The following INVS variants were observed in gnomAD, a reference collection of about 807,000 sequenced individuals.
INVS encodes inversion of embryo turning homolog.
INVS carries 86 observed loss-of-function variants against 108.8 expected under a neutral mutation model. The observed-to-expected ratio is 0.79, with a 90% CI of 0.66 to 0.95. The LOEUF is 0.95. INVS is among the 40% of genes least tolerant of loss of function. The pLI is 0.00. For synonymous variants in INVS, 455 were observed against 473.5 expected (o/e 0.96, Z 0.51); for missense variants, 1,169 against 1,297.4 (o/e 0.90, Z 1.52).
chr9:100,139,204 T>C (rs1336586650), intron 3 of INVS, among the ~76,000 whole-genome samples: 1 of 152,244 alleles, frequency 6.6e-6, no homozygotes, highest in Non-Finnish European at 1.5e-5. Flanking sequence ...TCAGTTCTCG[T>C]ACTTCTGTGT....
chr9:100,258,973 A>T (rs1227958561), intron 10 of INVS, among the ~76,000 whole-genome samples: 1 of 152,208 alleles, frequency 6.6e-6, no homozygotes, highest in Non-Finnish European at 1.5e-5. Context: ...AGTCTGCAGA[A>T]GTTTCTGCTG....
chr9:100,157,351 G>A (rs1357401944), intron 3 of INVS, among the ~76,000 whole-genome samples: 2 of 144,798 alleles, frequency 1.4e-5, no homozygotes, highest in African/African-American at 5.4e-5. Context: ...TGCAAGCTCC[G>A]CCTCCTGGGT....
chr9:100,147,905 C>A (rs1192726381), intron 3 of INVS, among the ~76,000 whole-genome samples: 3 of 151,010 alleles, frequency 2.0e-5, no homozygotes, highest in Non-Finnish European at 4.4e-5. Context: ...TAAACAAGGC[C>A]AGGTGTCATG....
intron 3 of INVS, among the ~76,000 whole-genome samples, chr9:100,212,661 G>C (rs563461236): frequency 6.6e-6 from 1 of 151,990 alleles, no homozygotes; most frequent in Admixed American, 6.6e-5. Flanking sequence ...AGCCATTCAG[G>C]AATCTTCTTA....
intron 6 of INVS, 80 bp downstream of exon 6, chr9:100,240,320 C>T: frequency 2.0e-6 from 2 of 991,328 alleles, no homozygotes; most frequent in Admixed American, 1.7e-5. Context: ...CCACTGTTTA[C>T]TCCCAACTCC....
intron 16 of INVS, 120 bp from the exon 17 acceptor site, chr9:100,300,448 C>T (rs1354814427): frequency 1.4e-6 from 1 of 717,564 alleles, no homozygotes; most frequent in African/African-American, 1.8e-5. Context: ...CTACAGTAAA[C>T]TGGCCCATCA....
Position 100,293,042 on chromosome 9 carries a change from A to AG in INVS, c.2786+1dup. The AG allele has an allele frequency of 6.2e-7, 1 of 1,613,138 alleles. No homozygotes were observed. Among genetic ancestry groups the AG allele is most frequent in the South Asian group, 1.1e-5 (1 of 91,030 alleles). On this transcript the variant is annotated frameshift_variant and splice_region_variant, in exon 14 of 17. Transcript: ENST00000262457. LOFTEE classifies it high-confidence loss of function. ...AGCAGTCATCCAGCGCGCCTGGCGA[A>AG]GGTAGGAAAATGGGGTGCTGCCGCA... is the stretch of plus-strand genomic sequence containing the variant.
intron 3 of INVS, among the ~76,000 whole-genome samples, chr9:100,166,527 A>G (rs1465675671): frequency 6.6e-6 from 1 of 152,168 alleles, no homozygotes; most frequent in African/African-American, 2.4e-5. Flanking sequence ...TGTTTAAGAA[A>G]AAAAAGAAGC....
intron 2 of INVS, among the ~76,000 whole-genome samples, chr9:100,111,027 T>C (rs190001673): frequency 6.6e-6 from 1 of 152,224 alleles, no homozygotes; most frequent in Non-Finnish European, 1.5e-5. Flanking sequence ...TGATGATGAA[T>C]CCTATGTTCT....
chr9:100,134,399 A>G (rs1828158075), intron 3 of INVS, among the ~76,000 whole-genome samples: 1 of 152,202 alleles, frequency 6.6e-6, no homozygotes, highest in Non-Finnish European at 1.5e-5. Context: ...GTGCTGCTAT[A>G]AACATGTGTG....
At chr9:100,274,077 GC>G (rs1833044745) in intron 12 of INVS, among the ~76,000 whole-genome samples, 1 of 152,036 alleles carries the variant, frequency 6.6e-6, no homozygotes, top group Non-Finnish European at 1.5e-5. Flanking sequence ...TGATTTTAAA[GC>G]TGGGTGCGGT....
intron 3 of INVS, among the ~76,000 whole-genome samples, chr9:100,218,173 T>G (rs879380054): frequency 1.3e-5 from 2 of 152,196 alleles, no homozygotes; most frequent in Admixed American, 6.5e-5. Context: ...CAAAATTTTA[T>G]ACCAATTTGT....
chr9:100,214,512 T>C (rs570782761), intron 3 of INVS, among the ~76,000 whole-genome samples: 2 of 152,342 alleles, frequency 1.3e-5, no homozygotes, highest in Non-Finnish European at 1.5e-5. Flanking sequence ...ATGGGCAGTA[T>C]CACTAAGTAG....
chr9:100,253,263 A>G lies in INVS; in HGVS notation c.1464+127A>G. ...TCACCCACAAATCCATCTGTTAATC[A>G]TGACTATTATTTGTCCATGTTCTCT... On this transcript the variant is annotated intron_variant, in intron 10 of 16. Coordinates refer to ENST00000262457, the MANE Select transcript of INVS (RefSeq NM_014425.5). 5.6e-6 allele frequency: 4 copies of G among 713,094 alleles called. No homozygotes were observed. The South Asian group carries it at 6.4e-5, about 11-fold the overall frequency. 44.2% of individuals were successfully genotyped at this position (713,094 alleles called of 1,614,324 possible).
chr9:100,126,044 A>T (rs1827873539), intron 2 of INVS, among the ~76,000 whole-genome samples: 1 of 152,210 alleles, frequency 6.6e-6, no homozygotes, highest in South Asian at 2.1e-4. Context: ...TACAATTGGC[A>T]TTAATTAAAT....
At chr9:100,219,984 G>A (rs1831097101) in intron 3 of INVS, among the ~76,000 whole-genome samples, 1 of 152,078 alleles carries the variant, frequency 6.6e-6, no homozygotes, top group Admixed American at 6.5e-5. Context: ...AGGGAGAGAA[G>A]GTAATGGAAT....
chr9:100,113,230 A>T (rs1170821182), intron 2 of INVS, among the ~76,000 whole-genome samples: 1 of 149,760 alleles, frequency 6.7e-6, no homozygotes, highest in Non-Finnish European at 1.5e-5. Flanking sequence ...ATACTGTTGT[A>T]CTACACAGAG....
intron 3 of INVS, among the ~76,000 whole-genome samples, chr9:100,160,488 A>G (rs1415272720): frequency 6.6e-6 from 1 of 152,194 alleles, no homozygotes; most frequent in Non-Finnish European, 1.5e-5. Flanking sequence ...TATGAAACAC[A>G]TTTATTAGTC....
intron 12 of INVS, among the ~76,000 whole-genome samples, chr9:100,275,530 G>C (rs1272547911): frequency 6.6e-6 from 1 of 152,202 alleles, no homozygotes; most frequent in Non-Finnish European, 1.5e-5. Flanking sequence ...CTGAGTCAGT[G>C]TTTAATTTTG....
Sources: allele counts gnomAD v4.1 joint callset (sites outside exome capture counted in the v4.1 genomes callset), GRCh38; gene constraint gnomAD v4.1.1; transcripts MANE v1.5; gene names NCBI Gene and HGNC (gene_info 2026-07-23, HGNC 2026-07-21).